Variants in FRAS1 observed in about 807,000 individuals in gnomAD.
FRAS1 encodes Fraser extracellular matrix complex subunit 1.
In FRAS1, 290 loss-of-function variants were observed where a neutral mutation model predicts 435.2. The observed-to-expected ratio is 0.67, with a 90% confidence interval of 0.61 to 0.73. The LOEUF is 0.73. FRAS1 is among the 30% of genes least tolerant of loss of function. FRAS1 has a pLI of 0.00. For synonymous variants in FRAS1, 1,800 were observed against 1,851.0 expected, an observed-to-expected ratio of 0.97 and a Z score of 0.71; for missense variants, 4,860 against 5,001.5, an observed-to-expected ratio of 0.97 and a Z score of 0.85.
chr4:78,090,381 A>G lies in FRAS1; in HGVS notation c.108+24365A>G, dbSNP rs139123788. 5.5e-3 allele frequency among the ~76,000 whole-genome samples: 840 copies of G among 152,306 alleles called. 6 individuals are homozygous for G. Among genetic ancestry groups the G allele is most frequent in the African/African-American group, 0.019 (797 of 41,570 alleles). The stretch of plus-strand genomic sequence containing the variant: ...TTTGAGAGCCAGTTGAGTATTCAAG[A>G]CTATTAGGAAGGTAAAAAGAGTGGT... On this transcript the variant is annotated intron_variant, in intron 2 of 73. Transcript: ENST00000512123.
At chr4:78,230,978 G>A (rs1433744897) in intron 2 of FRAS1, among the ~76,000 whole-genome samples, 3 of 151,692 alleles carry the variant, frequency 2.0e-5, no homozygotes, top group Middle Eastern at 3.4e-3. Flanking sequence ...TTTTTGAGAC[G>A]GAGTCTCACA....
chr4:78,374,897 A>G (rs948026725), intron 25 of FRAS1, among the ~76,000 whole-genome samples: 23 of 152,210 alleles, frequency 1.5e-4, no homozygotes, highest in Admixed American at 7.9e-4. Context: ...AATATTCACA[A>G]TGGCTTGATA....
At chr4:78,219,353 T>C (rs1212092840) in intron 2 of FRAS1, among the ~76,000 whole-genome samples, 1 of 152,182 alleles carries the variant, frequency 6.6e-6, no homozygotes, top group Non-Finnish European at 1.5e-5. Flanking sequence ...AAAATAAAAA[T>C]ATTAAAACTT....
Position 78,307,738 on chromosome 4 carries a change from G to A in FRAS1, c.1535-328G>A, listed in dbSNP as rs1454178380. On this transcript the variant is annotated intron_variant, in intron 14 of 73. Coordinates refer to ENST00000512123, the MANE Select transcript of FRAS1 (RefSeq NM_025074.7). ...CTGGCGCATGGTGCATGCACCCACT[G>A]ACCTGCGCCCACTGTCTGGCATTCC... 3.3e-5 allele frequency among the ~76,000 whole-genome samples: 5 copies of A among 152,222 alleles called. No homozygotes were observed. In the South Asian group the frequency reaches 6.2e-4, roughly 19 times the overall value.
intron 70 of FRAS1, among the ~76,000 whole-genome samples, chr4:78,533,644 A>G (rs1721793936): frequency 6.6e-6 from 1 of 152,238 alleles, no homozygotes; most frequent in African/African-American, 2.4e-5. Context: ...CAGGGAGAAC[A>G]CTTAAGGTGC....
chr4:78,415,849 G>A (rs539753614), intron 32 of FRAS1, among the ~76,000 whole-genome samples: 2 of 152,240 alleles, frequency 1.3e-5, no homozygotes, highest in South Asian at 2.1e-4. Context: ...TCTGGCTACA[G>A]GGTAGAAAAC....
chr4:78,523,355 G>A (rs1398933055), intron 69 of FRAS1, among the ~76,000 whole-genome samples: 1 of 152,084 alleles, frequency 6.6e-6, no homozygotes, highest in African/African-American at 2.4e-5. Context: ...ACAACAACCA[G>A]TGCAAAATAT....
chr4:78,526,917 G>GT (rs559281084), intron 70 of FRAS1, among the ~76,000 whole-genome samples: 95 of 152,210 alleles, frequency 6.2e-4, no homozygotes, highest in African/African-American at 2.1e-3. Flanking sequence ...TCAGTGCCAT[G>GT]TTTTTTGCAT....
At chr4:78,370,930 A>C (rs1279453391) in intron 23 of FRAS1, among the ~76,000 whole-genome samples, 1 of 152,184 alleles carries the variant, frequency 6.6e-6, no homozygotes, top group Non-Finnish European at 1.5e-5. Flanking sequence ...CTGGCAGAGA[A>C]GCTAGAGCTT....
intron 2 of FRAS1, among the ~76,000 whole-genome samples, chr4:78,214,692 A>T (rs1723675261): frequency 6.6e-6 from 1 of 152,232 alleles, no homozygotes; most frequent in African/African-American, 2.4e-5. Flanking sequence ...AAAGCCAATT[A>T]ATTTACTCAT....
At chr4:78,251,593 T>G (rs1725534456) in intron 4 of FRAS1, among the ~76,000 whole-genome samples, 1 of 152,208 alleles carries the variant, frequency 6.6e-6, no homozygotes, top group Admixed American at 6.5e-5. Flanking sequence ...GTAACACTGT[T>G]CTACTCTGGA....
At chr4:78,105,979 G>A (rs1371834357) in intron 2 of FRAS1, among the ~76,000 whole-genome samples, 1 of 134,728 alleles carries the variant, frequency 7.4e-6, no homozygotes, top group East Asian at 2.0e-4. Flanking sequence ...GTCAAAGAAA[G>A]GGGTGACGGA....
At position 78,466,553 on chromosome 4, in the gene FRAS1, T is replaced by G. The variant is rs1719535584; in HGVS notation, c.7257+118T>G. 9.6e-6 allele frequency: 7 copies of G among 727,926 alleles called. No individual in the cohort carries two copies. The South Asian group carries it at 1.4e-4, about 14-fold the overall frequency. The allele number at this position is 727,926 out of a possible 1,614,324, so 45.1% of individuals were successfully genotyped here. A position where few individuals can be genotyped will look rare whatever the true frequency, so the allele number is the denominator to read the frequency against. ...CTCGTTCTATCAGTAGCTAGTAGAT[T>G]GACCTTGGGCAAATTACATTTCTAA... is the stretch of plus-strand genomic sequence containing the variant. On this transcript the variant is annotated intron_variant, in intron 50 of 73. Coordinates refer to ENST00000512123, the MANE Select transcript of FRAS1 (RefSeq NM_025074.7).
chr4:78,165,690 C>A (rs1412511282), intron 2 of FRAS1, among the ~76,000 whole-genome samples: 1 of 152,184 alleles, frequency 6.6e-6, no homozygotes, highest in African/African-American at 2.4e-5. Context: ...GGCCATTCTG[C>A]AGTCCCCTAG....
rs75361011 is a variant in FRAS1 at position 78,163,725 on chromosome 4, A to G, written c.109-73785A>G. Among the ~76,000 whole-genome samples, 1,072 of 152,368 alleles carry G rather than the reference A, an allele frequency of 7.0e-3. 16 individuals are homozygous for G. The highest frequency in any genetic ancestry group is 0.025 in the African/African-American group (1,019 of 41,586). ...TGCTTCTTTGGAAAAATTAATGCCA[A>G]GTCACAACGTGACATATGACTTCCT... On this transcript the variant is annotated intron_variant, in intron 2 of 73. Coordinates refer to ENST00000512123, the MANE Select transcript of FRAS1 (RefSeq NM_025074.7).
chr4:78,422,098 G>T, intron 34 of FRAS1, 98 bp downstream of exon 34: 1 of 1,239,068 alleles, frequency 8.1e-7, no homozygotes, highest in South Asian at 2.2e-5. Flanking sequence ...TGGACCATTT[G>T]GTGCCCCTGC....
chr4:78,541,865 C>T lies in FRAS1; in HGVS notation c.*741C>T, dbSNP rs1336882429. 3.3e-5 allele frequency: 5 copies of T among 152,242 alleles called. No individual in the cohort carries two copies. Among genetic ancestry groups the T allele is most frequent in the Non-Finnish European group, 7.3e-5 (5 of 68,064 alleles). 9.4% of individuals were successfully genotyped at this position (152,242 alleles called of 1,614,324 possible). A position where few individuals can be genotyped will look rare whatever the true frequency, so the allele number is the denominator to read the frequency against. Reference sequence around the variant, plus strand: ...AGCACATTAGTGATGCCCTTCACCCCAGGGAGGTGTCTGTTCCCAACTAGT... The same window carrying T: ...AGCACATTAGTGATGCCCTTCACCCTAGGGAGGTGTCTGTTCCCAACTAGT... On this transcript the variant is annotated 3_prime_UTR_variant, in exon 74 of 74. Transcript: ENST00000512123.
At chr4:78,472,139 T>C in intron 51 of FRAS1, 41 bp from the exon 52 acceptor site, 1 of 1,602,636 alleles carries the variant, frequency 6.2e-7, no homozygotes, top group Non-Finnish European at 8.5e-7. Flanking sequence ...TCCTGCTTTA[T>C]TCCCACCTCA....
intron 29 of FRAS1, among the ~76,000 whole-genome samples, chr4:78,391,394 C>T (rs10155302): frequency 0.14 from 21,084 of 152,098 alleles, 1,844 homozygotes; most frequent in African/African-American, 0.25. Flanking sequence ...ATAAAGAATG[C>T]GTTGCTGAAC....
Sources: gnomAD v4.1 joint callset for allele counts (sites outside exome capture counted in the v4.1 genomes callset) on GRCh38, gnomAD v4.1.1 for gene constraint, MANE v1.5 for transcripts, NCBI Gene and HGNC (gene_info 2026-07-23, HGNC 2026-07-21) for gene names.